Variants in DOCK1 observed in about 807,000 individuals in gnomAD.
DOCK1 encodes the protein dedicator of cytokinesis protein 1.
In DOCK1, 138 loss-of-function variants were observed where a neutral mutation model predicts 262.7. The observed-to-expected ratio is 0.53, with a 90% confidence interval of 0.46 to 0.61. The LOEUF (loss-of-function observed/expected upper bound fraction) is 0.61, where lower values mean the gene tolerates loss of function less well. Among genes scored for constraint, DOCK1 ranks in the 20% least tolerant of loss-of-function variants. The probability of loss-of-function intolerance (pLI) is 0.00; values close to 1 mark genes in which losing one functional copy is unlikely to be tolerated. For missense variants in DOCK1, 1,908 were observed against 2,370.7 expected (o/e 0.80, Z 4.05); for synonymous variants, 866 against 867.4 (o/e 1.00, Z 0.03).
chr10:127,006,077 C>T (rs7079635), intron 10 of DOCK1, among the ~76,000 whole-genome samples: 37,083 of 152,100 alleles, frequency 0.24, 4,643 homozygotes, highest in South Asian at 0.33. Flanking sequence ...GTAGTAGCTA[C>T]GCAGTGAGCA....
At chr10:127,362,974 TACAC>T (rs2064645694) in intron 33 of DOCK1, among the ~76,000 whole-genome samples, 1 of 12,812 alleles carries the variant, frequency 7.8e-5, no homozygotes, top group Non-Finnish European at 1.4e-4. Context: ...CACATACACA[TACAC>T]ATACACATCC....
chr10:127,014,260 T>C (rs1441615285), intron 12 of DOCK1, among the ~76,000 whole-genome samples: 1 of 152,248 alleles, frequency 6.6e-6, no homozygotes, highest in African/African-American at 2.4e-5. Flanking sequence ...ACTCCAGACA[T>C]CTGGTTCTGT....
intron 29 of DOCK1, among the ~76,000 whole-genome samples, chr10:127,297,616 A>T (rs2061545958): frequency 6.6e-6 from 1 of 152,200 alleles, no homozygotes; most frequent in Non-Finnish European, 1.5e-5. Flanking sequence ...ATTCCTCAGA[A>T]ATACAAAGCA....
At chr10:127,046,068 C>T (rs1287826768) in intron 21 of DOCK1, among the ~76,000 whole-genome samples, 1 of 152,062 alleles carries the variant, frequency 6.6e-6, no homozygotes, top group Non-Finnish European at 1.5e-5. Flanking sequence ...CTAAGTCCTT[C>T]TCTTTGCAAA....
At chr10:127,148,109 G>A (rs891771388) in intron 27 of DOCK1, among the ~76,000 whole-genome samples, 4 of 151,570 alleles carry the variant, frequency 2.6e-5, no homozygotes, top group Non-Finnish European at 5.9e-5. Flanking sequence ...TGAAAGCATG[G>A]AGTACACAGC....
At chr10:126,982,118 G>A (rs1167914918) in intron 4 of DOCK1, 145 bp downstream of exon 4, 1 of 836,632 alleles carries the variant, frequency 1.2e-6, no homozygotes, top group African/African-American at 1.7e-5. Context: ...GGAGAGAAAG[G>A]GGACTTGTGA....
intron 31 of DOCK1, among the ~76,000 whole-genome samples, chr10:127,347,976 T>C (rs1343672692): frequency 6.8e-6 from 1 of 146,446 alleles, no homozygotes; most frequent in Non-Finnish European, 1.5e-5. Context: ...AATTCCAGCA[T>C]CAGGAAACCT....
At chr10:127,129,268 TTTAAAC>T (rs1190867663) in intron 27 of DOCK1, among the ~76,000 whole-genome samples, 11 of 152,178 alleles carry the variant, frequency 7.2e-5, no homozygotes, top group South Asian at 2.1e-4. Context: ...TTTTAAAGTG[TTTAAAC>T]TTAAAGTTTA....
chr10:127,068,964 A>G (rs1322173435), intron 23 of DOCK1, among the ~76,000 whole-genome samples: 1 of 152,168 alleles, frequency 6.6e-6, no homozygotes, highest in Non-Finnish European at 1.5e-5. Context: ...GCTGGTTTCT[A>G]GTTTTCAGTT....
chr10:126,986,981 T>C (rs2039447214), intron 4 of DOCK1, among the ~76,000 whole-genome samples: 1 of 152,158 alleles, frequency 6.6e-6, no homozygotes, highest in African/African-American at 2.4e-5. Flanking sequence ...GATACAGAGT[T>C]TAATCAGAGT....
chr10:127,005,607 C>G (rs1309098669), intron 10 of DOCK1, among the ~76,000 whole-genome samples: 3 of 152,054 alleles, frequency 2.0e-5, no homozygotes, highest in African/African-American at 7.2e-5. Context: ...ATAATGTAAC[C>G]TTTTCTATCT....
intron 27 of DOCK1, among the ~76,000 whole-genome samples, chr10:127,131,015 G>C (rs1384508962): frequency 2.0e-5 from 3 of 152,114 alleles, no homozygotes; most frequent in African/African-American, 7.2e-5. Flanking sequence ...CTTGCTAGAA[G>C]GGCCAGACCA....
rs141920835 is a variant in DOCK1 at position 127,449,663 on chromosome 10, C to T, written c.5566-1669C>T. Among the ~76,000 whole-genome samples the T allele has an allele frequency of 3.9e-3, 596 of 152,250 alleles. 2 individuals are homozygous for T. Among genetic ancestry groups the T allele is most frequent in the African/African-American group, 0.012 (516 of 41,554 alleles). On this transcript the variant is annotated intron_variant, in intron 51 of 51. Transcript: ENST00000623213. ...TTAGTATGTCATCATTAGGCAGAAGCGGTTGCATTTCCTGGGGTGCCTCCC... is the reference window on the plus strand; with the variant it reads ...TTAGTATGTCATCATTAGGCAGAAGTGGTTGCATTTCCTGGGGTGCCTCCC...
intron 10 of DOCK1, among the ~76,000 whole-genome samples, chr10:127,005,985 G>A (rs1469683000): frequency 6.6e-6 from 1 of 152,106 alleles, no homozygotes; most frequent in African/African-American, 2.4e-5. Flanking sequence ...CAAAAATTCG[G>A]CTTCTCAATG....
At chr10:126,941,917 G>A (rs1210965391) in intron 1 of DOCK1, among the ~76,000 whole-genome samples, 2 of 152,186 alleles carry the variant, frequency 1.3e-5, no homozygotes, top group Admixed American at 6.5e-5. Flanking sequence ...AGATAATTTT[G>A]CCAATTATTC....
Position 127,214,393 on chromosome 10 carries a change from T to TAAGCA in DOCK1, c.2848-33611_2848-33610insAAAGC, listed in dbSNP as rs978524435. The stretch of plus-strand genomic sequence containing the variant: ...AATGTATCCTTAAACAATATGTTCT[T>TAAGCA]AAGCCTTGCTTCCTTTTGCCGTTTA... On this transcript the variant is annotated intron_variant, in intron 27 of 51. Transcript: ENST00000623213. 2.6e-4 allele frequency among the ~76,000 whole-genome samples: 40 copies of TAAGCA among 152,356 alleles called. No homozygotes were observed. The Middle Eastern group carries it at 0.01, about 39-fold the overall frequency.
At chr10:127,310,777 G>T (rs1382790872) in intron 29 of DOCK1, among the ~76,000 whole-genome samples, 2 of 152,176 alleles carry the variant, frequency 1.3e-5, no homozygotes, top group Non-Finnish European at 2.9e-5. Context: ...ATAAACTCCA[G>T]TGGGCTGCTA....
intron 10 of DOCK1, among the ~76,000 whole-genome samples, chr10:127,003,208 G>A (rs2040727092): frequency 8.2e-6 from 1 of 122,426 alleles, no homozygotes; most frequent in African/African-American, 2.6e-5. Flanking sequence ...GCATGAACCT[G>A]CGTGAACCTG....
At chr10:127,396,731 G>GA (rs2066871912) in intron 38 of DOCK1, among the ~76,000 whole-genome samples, 1 of 69,676 alleles carries the variant, frequency 1.4e-5, no homozygotes, top group Non-Finnish European at 2.8e-5. Context: ...CTGGCCTAAA[G>GA]AAAAAATGTC....
Sources: allele counts gnomAD v4.1 joint callset (sites outside exome capture counted in the v4.1 genomes callset), GRCh38; gene constraint gnomAD v4.1.1; transcripts MANE v1.5; gene names NCBI Gene and HGNC (gene_info 2026-07-23, HGNC 2026-07-21).